The following FAXC variants were observed in gnomAD, a reference collection of about 807,000 sequenced individuals.
FAXC encodes failed axon connections homolog.
FAXC carries 10 observed loss-of-function variants against 41.9 expected under a neutral mutation model. The observed-to-expected ratio is 0.24, with a 90% CI of 0.15 to 0.41. The LOEUF is 0.41. FAXC is among the 10% of genes least tolerant of loss of function. FAXC has a pLI of 1.00. For missense variants in FAXC, 399 were observed against 510.9 expected (o/e 0.78, Z 2.11); for synonymous variants, 183 against 183.8 (o/e 1.00, Z 0.03).
At chr6:99,287,579 C>CA (rs1238430652) in intron 5 of FAXC, among the ~76,000 whole-genome samples, 2 of 152,166 alleles carry the variant, frequency 1.3e-5, no homozygotes, top group African/African-American at 2.4e-5. Context: ...TATGTTGGAC[C>CA]AAAAAACTAA....
chr6:99,284,753 A>C (rs889533002), intron 5 of FAXC, among the ~76,000 whole-genome samples: 2 of 152,074 alleles, frequency 1.3e-5, no homozygotes, highest in Non-Finnish European at 2.9e-5. Flanking sequence ...TCTCTACTAA[A>C]AAATGCAAAA....
At position 99,343,743 on chromosome 6, in the gene FAXC, G is replaced by C. The variant is rs919168660; in HGVS notation, c.267-710C>G. Among the ~76,000 whole-genome samples the C allele has an allele frequency of 3.3e-5, 5 of 152,134 alleles. No individual in the cohort carries two copies. The Middle Eastern group carries it at 0.014, about 414-fold the overall frequency. Reference sequence around the variant, plus strand: ...TAGGGAATCTGAGACTGAAATTCTGGTCCCTCTTCCCAACTGCCCATGCCC... The same window carrying C: ...TAGGGAATCTGAGACTGAAATTCTGCTCCCTCTTCCCAACTGCCCATGCCC... On this transcript the variant is annotated intron_variant, in intron 1 of 5. Coordinates refer to ENST00000389677, the MANE Select transcript of FAXC (RefSeq NM_032511.4).
intron 5 of FAXC, among the ~76,000 whole-genome samples, chr6:99,284,473 A>G (rs1770942186): frequency 6.6e-6 from 1 of 152,114 alleles, no homozygotes. Flanking sequence ...TTCTGTGGCT[A>G]GATTCACCAT....
chr6:99,296,570 C>T (rs1771505426), intron 4 of FAXC, among the ~76,000 whole-genome samples: 1 of 152,146 alleles, frequency 6.6e-6, no homozygotes, highest in Non-Finnish European at 1.5e-5. Flanking sequence ...AAAGTATGCT[C>T]CACCTGAGGC....
chr6:99,293,287 C>T (rs1771317539), intron 4 of FAXC, among the ~76,000 whole-genome samples: 1 of 152,232 alleles, frequency 6.6e-6, no homozygotes, highest in Non-Finnish European at 1.5e-5. Context: ...GGGACCACCC[C>T]CATTCCCCAG....
intron 3 of FAXC, among the ~76,000 whole-genome samples, chr6:99,326,379 T>C (rs1039148732): frequency 1.3e-5 from 2 of 152,130 alleles, no homozygotes; most frequent in Admixed American, 6.5e-5. Flanking sequence ...TAAAGATTTA[T>C]GGGTAAGGAG....
intron 4 of FAXC, among the ~76,000 whole-genome samples, chr6:99,309,014 T>C (rs945507420): frequency 2.2e-4 from 33 of 152,314 alleles, no homozygotes; most frequent in East Asian, 5.8e-4. Context: ...TCCTCCTGAA[T>C]TGTATCCAGG....
intron 2 of FAXC, among the ~76,000 whole-genome samples, chr6:99,340,248 C>T (rs371074450): frequency 1.3e-5 from 2 of 151,950 alleles, no homozygotes; most frequent in East Asian, 1.9e-4. Context: ...TACAGGCACA[C>T]GCCACTACCG....
intron 4 of FAXC, among the ~76,000 whole-genome samples, chr6:99,299,132 C>T (rs549030978): frequency 6.6e-6 from 1 of 152,308 alleles, no homozygotes; most frequent in South Asian, 2.1e-4. Context: ...CACTAACATA[C>T]TTCTAAGGAA....
At chr6:99,334,829 G>A (rs1773157881) in intron 2 of FAXC, among the ~76,000 whole-genome samples, 1 of 152,058 alleles carries the variant, frequency 6.6e-6, no homozygotes, top group Non-Finnish European at 1.5e-5. Flanking sequence ...CAGCAATCTA[G>A]ACCCACATCC....
chr6:99,286,393 C>A (rs895618005), intron 5 of FAXC, among the ~76,000 whole-genome samples: 1 of 152,182 alleles, frequency 6.6e-6, no homozygotes, highest in African/African-American at 2.4e-5. Flanking sequence ...GAACACTTCC[C>A]TCCAGATGGA....
chr6:99,285,786 C>G (rs13205196), intron 5 of FAXC, among the ~76,000 whole-genome samples: 12 of 152,102 alleles, frequency 7.9e-5, no homozygotes, highest in Non-Finnish European at 8.8e-5. Flanking sequence ...AATAAAGAAC[C>G]TTTCTGTTAA....
At chr6:99,341,757 T>C (rs1403466082) in intron 2 of FAXC, among the ~76,000 whole-genome samples, 3 of 152,202 alleles carry the variant, frequency 2.0e-5, no homozygotes, top group East Asian at 1.9e-4. Flanking sequence ...AGTAGATCTA[T>C]AGAGAGCTCT....
intron 4 of FAXC, among the ~76,000 whole-genome samples, chr6:99,318,260 AACACACAC>A (rs71021723): frequency 2.5e-4 from 16 of 64,816 alleles, no homozygotes; most frequent in Non-Finnish European, 4.9e-4. Flanking sequence ...CTCCGTCTCA[AACACACAC>A]ACACACACAC....
At chr6:99,313,792 C>T (rs79681038) in intron 4 of FAXC, among the ~76,000 whole-genome samples, 2,347 of 152,220 alleles carry the variant, frequency 0.015, 62 homozygotes, top group African/African-American at 0.053. Flanking sequence ...TGTCCTGGCA[C>T]CATTTATTGA....
chr6:99,347,406 G>GA (rs57714437), intron 1 of FAXC, among the ~76,000 whole-genome samples: 13 of 143,548 alleles, frequency 9.1e-5, no homozygotes, highest in South Asian at 2.2e-4. Context: ...AGTCTCAAAA[G>GA]AAAAAAAAAA....
At chr6:99,283,075 C>G (rs1163142270) in intron 5 of FAXC, among the ~76,000 whole-genome samples, 1 of 152,166 alleles carries the variant, frequency 6.6e-6, no homozygotes, top group Non-Finnish European at 1.5e-5. Context: ...CTTTATGAAT[C>G]CCCTATCACA....
intron 1 of FAXC, among the ~76,000 whole-genome samples, chr6:99,346,375 C>CA (rs1773593220): frequency 6.6e-6 from 1 of 152,190 alleles, no homozygotes; most frequent in African/African-American, 2.4e-5. Flanking sequence ...CTTCCTCCAA[C>CA]AAAACGGATT....
chr6:99,301,785 G>A (rs1771718785), intron 4 of FAXC, among the ~76,000 whole-genome samples: 1 of 152,176 alleles, frequency 6.6e-6, no homozygotes, highest in African/African-American at 2.4e-5. Context: ...TCGGGTACTT[G>A]CCACCCACCA....
Sources: allele counts gnomAD v4.1 joint callset (sites outside exome capture counted in the v4.1 genomes callset), GRCh38; gene constraint gnomAD v4.1.1; transcripts MANE v1.5; gene names NCBI Gene and HGNC (gene_info 2026-07-23, HGNC 2026-07-21).